Variants in USP34 observed in about 807,000 individuals in gnomAD.
The protein encoded by USP34 is ubiquitin specific peptidase 34.
A neutral mutation model predicts 460.3 loss-of-function variants in USP34; 70 were observed. The observed-to-expected ratio is 0.15, with a 90% CI of 0.13 to 0.19. The LOEUF (loss-of-function observed/expected upper bound fraction) is 0.19. USP34 is among the 10% of genes least tolerant of loss of function. The pLI is 1.00. For missense variants in USP34, 3,985 were observed against 4,236.2 expected (o/e 0.94, Z 1.65); for synonymous variants, 1,647 against 1,405.3 (o/e 1.17, Z -3.85).
chr2:61,451,616 A>G (rs1695278889), intron 1 of USP34, among the ~76,000 whole-genome samples: 1 of 151,568 alleles, frequency 6.6e-6, no homozygotes, highest in Admixed American at 6.6e-5. Flanking sequence ...TGGGAGACGG[A>G]GGTTGTGGTG....
At chr2:61,281,933 G>C (rs1265558853) in intron 37 of USP34, among the ~76,000 whole-genome samples, 1 of 152,152 alleles carries the variant, frequency 6.6e-6, no homozygotes, top group Non-Finnish European at 1.5e-5. Flanking sequence ...ATGTCAAAAT[G>C]GTTACCTGAG....
intron 10 of USP34, among the ~76,000 whole-genome samples, chr2:61,352,731 A>G (rs1364712006): frequency 3.3e-5 from 5 of 151,914 alleles, no homozygotes; most frequent in African/African-American, 1.2e-4. Flanking sequence ...TTAATTCCAC[A>G]GTACACAAAA....
intron 23 of USP34, among the ~76,000 whole-genome samples, chr2:61,315,628 G>A (rs1690720743): frequency 6.6e-6 from 1 of 151,960 alleles, no homozygotes; most frequent in Non-Finnish European, 1.5e-5. Flanking sequence ...ACCCGCCTCA[G>A]CCTCTCAAAG....
rs758452113 is a variant in USP34 at position 61,206,738 on chromosome 2, TAAG to T, written c.9046+19_9046+21del. The T allele has an allele frequency of 8.1e-6, 13 of 1,604,042 alleles. No individual in the cohort carries two copies. Among genetic ancestry groups the T allele is most frequent in the Admixed American group, 1.8e-5 (1 of 56,820 alleles). On this transcript the variant is annotated intron_variant, in intron 71 of 79. Transcript: ENST00000398571. ...CTTTACTAGTAGCACGAACAAAACA[TAAG>T]AAGTAGGAATGAGCAAACCTTTTCT...
At position 61,333,873 on chromosome 2, in the gene USP34, T is replaced by C. The variant is rs756042595; in HGVS notation, c.2834+9A>G. On this transcript the variant is annotated intron_variant, in intron 19 of 79. Coordinates refer to ENST00000398571, the MANE Select transcript of USP34 (RefSeq NM_014709.4). The stretch of plus-strand genomic sequence containing the variant: ...TTAAAATAAATACTTTTTTCTTTTA[T>C]TTACTTACATTGTTATCCAGTGTGT... 1.3e-6 allele frequency: 2 copies of C among 1,487,308 alleles called. No individual in the cohort carries two copies. Among genetic ancestry groups the C allele is most frequent in the Non-Finnish European group, 1.8e-6 (2 of 1,113,008 alleles). The allele number at this position is 1,487,308 out of a possible 1,614,324, so 92.1% of individuals were successfully genotyped here.
chr2:61,378,221 AAAGCTTC>A lies in USP34; in HGVS notation c.1076+135_1076+141del, dbSNP rs146191673. On this transcript the variant is annotated intron_variant, in intron 8 of 79. Coordinates refer to ENST00000398571, the MANE Select transcript of USP34 (RefSeq NM_014709.4). The stretch of plus-strand genomic sequence containing the variant: ...ATGTTACAGACAGCATAATGTTCTG[AAAGCTTC>A]ATGAAGAACTGTACACAATGTCAAA... 2,871 of 597,990 alleles carry A rather than the reference AAAGCTTC, an allele frequency of 4.8e-3. 75 individuals are homozygous for A. The African/African-American group carries it at 0.05, about 10-fold the overall frequency. The allele number at this position is 597,990 out of a possible 1,614,324, so 37.0% of individuals were successfully genotyped here.
chr2:61,278,480 T>G (rs779339997), intron 39 of USP34, 37 bp from the exon 40 acceptor site: 4 of 1,407,000 alleles, frequency 2.8e-6, no homozygotes, highest in Non-Finnish European at 3.8e-6. Context: ...CAAATATAAA[T>G]TTTTTATGTT....
chr2:61,283,172 T>A lies in USP34; in HGVS notation c.4971A>T (p.Leu1657=). The change falls in exon 37 of 80, where the codon CTA becomes CTT. Residue 1657 remains leucine, a synonymous_variant. Coordinates refer to ENST00000398571, the MANE Select transcript of USP34 (RefSeq NM_014709.4). ...LADSDHLQDW[L]KKLTLLIPET... Reference sequence around the variant, plus strand: ...CAGGAATAAGGAGAGTCAATTTCTTTAGCCAATCTTGTAAATGATCGCTAT... The same window carrying A: ...CAGGAATAAGGAGAGTCAATTTCTTAAGCCAATCTTGTAAATGATCGCTAT... The A allele has an allele frequency of 6.2e-7, 1 of 1,613,546 alleles. No homozygotes were observed. The highest frequency in any genetic ancestry group is 2.2e-5 in the East Asian group (1 of 44,784).
chr2:61,299,179 T>C (rs753235815), intron 29 of USP34, among the ~76,000 whole-genome samples: 23 of 152,068 alleles, frequency 1.5e-4, no homozygotes, highest in Non-Finnish European at 2.4e-4. Flanking sequence ...GAAGGCTCAA[T>C]GGCAGCCCAC....
intron 41 of USP34, among the ~76,000 whole-genome samples, chr2:61,269,620 A>C (rs190280460): frequency 6.8e-4 from 104 of 152,238 alleles, no homozygotes; most frequent in African/African-American, 2.4e-3. Context: ...AAAATCTTTG[A>C]GGAGACACCT....
intron 1 of USP34, among the ~76,000 whole-genome samples, chr2:61,464,016 T>A (rs1334393275): frequency 6.6e-6 from 1 of 152,180 alleles, no homozygotes; most frequent in Non-Finnish European, 1.5e-5. Context: ...GCATGTAAAG[T>A]ACTTAAGTAC....
At chr2:61,227,308 G>A in intron 61 of USP34, 90 bp from the exon 62 acceptor site, 13 of 1,405,430 alleles carry the variant, frequency 9.2e-6, no homozygotes, top group South Asian at 2.6e-5. Flanking sequence ...CAGTGTAGAT[G>A]GTGGCAGGAG....
chr2:61,411,537 T>C (rs1022927773), intron 2 of USP34, among the ~76,000 whole-genome samples: 5 of 152,196 alleles, frequency 3.3e-5, no homozygotes, highest in African/African-American at 1.2e-4. Context: ...TTAAATGTCT[T>C]TTTATAGCTC....
chr2:61,438,399 G>T (rs572970407), intron 1 of USP34, among the ~76,000 whole-genome samples: 1 of 152,138 alleles, frequency 6.6e-6, no homozygotes, highest in Non-Finnish European at 1.5e-5. Context: ...GATCACTTGA[G>T]GTCAGGAGTT....
intron 41 of USP34, among the ~76,000 whole-genome samples, chr2:61,267,049 C>T (rs1033540133): frequency 2.6e-5 from 4 of 152,190 alleles, no homozygotes; most frequent in Admixed American, 1.3e-4. Flanking sequence ...CTCAAGAGAA[C>T]GTTCTTGGTA....
At chr2:61,395,611 C>A (rs1693494292) in intron 3 of USP34, among the ~76,000 whole-genome samples, 1 of 145,026 alleles carries the variant, frequency 6.9e-6, no homozygotes, top group Admixed American at 6.8e-5. Context: ...ACGGTGAAAC[C>A]CCGTCTCTAC....
chr2:61,284,376 G>C (rs1376598009), intron 35 of USP34, among the ~76,000 whole-genome samples: 2 of 152,098 alleles, frequency 1.3e-5, no homozygotes, highest in Admixed American at 6.6e-5. Context: ...TGTATCATGA[G>C]AGAAAGGCTG....
At chr2:61,303,164 T>A (rs1028596210) in intron 27 of USP34, among the ~76,000 whole-genome samples, 2 of 151,972 alleles carry the variant, frequency 1.3e-5, no homozygotes, top group South Asian at 4.2e-4. Flanking sequence ...CCTCCTGGGT[T>A]CAAGCAATTC....
intron 1 of USP34, among the ~76,000 whole-genome samples, chr2:61,422,012 A>G (rs1694376552): frequency 1.3e-5 from 2 of 152,230 alleles, no homozygotes; most frequent in Admixed American, 1.3e-4. Flanking sequence ...ATACATGTAA[A>G]ACAGTCACAA....
Sources: allele counts gnomAD v4.1 joint callset (sites outside exome capture counted in the v4.1 genomes callset), GRCh38; gene constraint gnomAD v4.1.1; transcripts MANE v1.5; gene names NCBI Gene and HGNC (gene_info 2026-07-23, HGNC 2026-07-21).